Variants in ANO2 observed in about 807,000 individuals in gnomAD.
ANO2 encodes the protein anoctamin-2.
Under a neutral mutation model 124.2 loss-of-function variants are expected in ANO2, and 101 were observed. The observed-to-expected ratio is 0.81, with a 90% CI of 0.69 to 0.96. The LOEUF (loss-of-function observed/expected upper bound fraction) is 0.96, where lower values mean the gene tolerates loss of function less well. Ranked by LOEUF, ANO2 falls within the 40% of genes least tolerant of loss-of-function variation. The pLI is 0.00. For synonymous variants in ANO2, 486 were observed against 482.5 expected (o/e 1.01, Z -0.09); for missense variants, 1,293 against 1,274.5 (o/e 1.01, Z -0.22).
At chr12:5,623,876 T>TG (rs889511142) in intron 16 of ANO2, among the ~76,000 whole-genome samples, 14 of 151,456 alleles carry the variant, frequency 9.2e-5, no homozygotes, top group Non-Finnish European at 2.1e-4. Flanking sequence ...CATTTGGGAA[T>TG]GGGGGGTGGG....
At chr12:5,584,139 C>CG (rs140461271) in intron 20 of ANO2, 2,238 of 162,104 alleles carry the variant, frequency 0.014, 93 homozygotes, top group African/African-American at 0.054. Context: ...ACACCCCCCC[C>CG]CCGCCGCAAG....
intron 3 of ANO2, among the ~76,000 whole-genome samples, chr12:5,879,624 A>C (rs1030835317): frequency 6.6e-6 from 1 of 152,220 alleles, no homozygotes; most frequent in Non-Finnish European, 1.5e-5. Context: ...GTCAAAGAAG[A>C]CTTCATAGAA....
chr12:5,924,578 G>A (rs1188007778), intron 1 of ANO2, among the ~76,000 whole-genome samples: 6 of 152,176 alleles, frequency 3.9e-5, no homozygotes, highest in South Asian at 2.1e-4. Flanking sequence ...TCACTCTGCC[G>A]AAAGGAAAAT....
chr12:5,582,647 C>T (rs1022582761), intron 20 of ANO2, among the ~76,000 whole-genome samples: 12 of 152,160 alleles, frequency 7.9e-5, no homozygotes, highest in African/African-American at 2.9e-4. Context: ...AGAACCATTT[C>T]CTCCCCACCC....
chr12:5,733,497 C>T (rs1401563381), intron 13 of ANO2, among the ~76,000 whole-genome samples: 3 of 152,174 alleles, frequency 2.0e-5, no homozygotes, highest in South Asian at 2.1e-4. Flanking sequence ...GTTCCTGCAT[C>T]GTTTATCGAT....
intron 10 of ANO2, among the ~76,000 whole-genome samples, chr12:5,768,581 G>A (rs148217372): frequency 9.9e-5 from 15 of 152,278 alleles, no homozygotes; most frequent in African/African-American, 3.4e-4. Flanking sequence ...GAGCACAGAC[G>A]TGCACGGAGG....
At chr12:5,657,492 A>T (rs1437801009) in intron 14 of ANO2, among the ~76,000 whole-genome samples, 7 of 146,904 alleles carry the variant, frequency 4.8e-5, no homozygotes, top group Admixed American at 6.7e-5. Context: ...ATACTTTTCC[A>T]TTTTTTTTTT....
At chr12:5,606,929 G>C (rs1222368793) in intron 19 of ANO2, among the ~76,000 whole-genome samples, 1 of 152,094 alleles carries the variant, frequency 6.6e-6, no homozygotes, top group African/African-American at 2.4e-5. Flanking sequence ...AAGAATCTTA[G>C]AAAATTGCTT....
At chr12:5,723,157 A>C (rs891588609) in intron 14 of ANO2, among the ~76,000 whole-genome samples, 2 of 152,090 alleles carry the variant, frequency 1.3e-5, no homozygotes, top group African/African-American at 4.8e-5. Context: ...CGGAGGTGGT[A>C]GTCAATCAGA....
chr12:5,693,506 C>T (rs1310429898), intron 14 of ANO2, among the ~76,000 whole-genome samples: 1 of 152,122 alleles, frequency 6.6e-6, no homozygotes, highest in African/African-American at 2.4e-5. Context: ...CCACTCTGTC[C>T]CCGCCCCCAC....
intron 16 of ANO2, among the ~76,000 whole-genome samples, chr12:5,623,853 C>T (rs1945252984): frequency 6.6e-6 from 1 of 152,192 alleles, no homozygotes; most frequent in African/African-American, 2.4e-5. Context: ...GCACAACCAA[C>T]TGGGCTGCCC....
chr12:5,792,802 A>G (rs1952734913), intron 10 of ANO2, among the ~76,000 whole-genome samples: 1 of 152,226 alleles, frequency 6.6e-6, no homozygotes, highest in South Asian at 2.1e-4. Context: ...ATCTGCAAGC[A>G]TGGAGATTCC....
intron 16 of ANO2, among the ~76,000 whole-genome samples, chr12:5,624,929 G>A (rs973928957): frequency 3.9e-5 from 6 of 152,298 alleles, no homozygotes; most frequent in East Asian, 3.9e-4. Context: ...AGGGGCTGGG[G>A]AGAGCTCTAG....
chr12:5,887,367 G>A (rs568465093), intron 3 of ANO2, among the ~76,000 whole-genome samples: 1 of 152,302 alleles, frequency 6.6e-6, no homozygotes, highest in Non-Finnish European at 1.5e-5. Flanking sequence ...AGCACCCTCA[G>A]TAAAAATGTG....
intron 9 of ANO2, among the ~76,000 whole-genome samples, chr12:5,802,668 A>G (rs759093): frequency 0.012 from 1,839 of 152,316 alleles, 22 homozygotes; most frequent in South Asian, 0.034. Context: ...TAAAGCACAG[A>G]CACGTAACAA....
At chr12:5,860,634 C>A (rs945896957) in intron 3 of ANO2, among the ~76,000 whole-genome samples, 3 of 152,136 alleles carry the variant, frequency 2.0e-5, no homozygotes, top group African/African-American at 4.8e-5. Context: ...AATTCAATTA[C>A]CCTTAAGTGT....
intron 16 of ANO2, among the ~76,000 whole-genome samples, chr12:5,624,015 G>A (rs1945262034): frequency 6.6e-6 from 1 of 152,146 alleles, no homozygotes; most frequent in South Asian, 2.1e-4. Context: ...TGAGGGAGCT[G>A]AAAGCCCCTG....
Position 5,635,192 on chromosome 12 carries a change from G to A in ANO2, c.1776C>T (p.Asp592=), listed in dbSNP as rs376269086. 30 of 1,603,662 alleles carry A rather than the reference G, an allele frequency of 1.9e-5. No homozygotes were observed. The highest frequency in any genetic ancestry group is 1.2e-4 in the Admixed American group (7 of 57,260). The change falls in exon 16 of 25, where the codon GAC becomes GAT. Residue 592 remains aspartate, a synonymous_variant. Coordinates refer to ENST00000682330, the MANE Select transcript of ANO2 (RefSeq NM_001364791.2). This position sits in a 1 kb window ranked among gnomAD's most constrained non-coding sequence, Gnocchi z 5.2. ...ACTTGGCCACAGCGCCGTAGATCTCGTCCAGGATGAGGATGACCACGAGGT... is the reference window on the plus strand; with the variant it reads ...ACTTGGCCACAGCGCCGTAGATCTCATCCAGGATGAGGATGACCACGAGGT... ...IINLVVILIL[D]EIYGAVAKWL... is the part of the protein sequence containing the mutation.
intron 22 of ANO2, 97 bp downstream of exon 22, chr12:5,577,858 G>A: frequency 1.6e-6 from 2 of 1,230,332 alleles, no homozygotes; most frequent in South Asian, 1.4e-5. Flanking sequence ...AATGGAAAAG[G>A]CTGGGAGGTG....
Sources: gnomAD v4.1 joint callset for allele counts (sites outside exome capture counted in the v4.1 genomes callset) on GRCh38, gnomAD v4.1.1 for gene constraint, Gnocchi (gnomAD v3.1) non-coding constraint, MANE v1.5 for transcripts, NCBI Gene and HGNC (gene_info 2026-07-23, HGNC 2026-07-21) for gene names.